Variants in KMT5C observed in about 807,000 individuals in gnomAD.
KMT5C encodes histone-lysine N-methyltransferase KMT5C.
Under a neutral mutation model 38.2 loss-of-function variants are expected in KMT5C, and 16 were observed. The observed-to-expected ratio is 0.42, with a 90% CI of 0.28 to 0.64. The LOEUF (loss-of-function observed/expected upper bound fraction) is 0.64, where lower values mean the gene tolerates loss of function less well. Ranked by LOEUF, KMT5C falls within the 30% of genes least tolerant of loss-of-function variation. KMT5C has a pLI of 0.23. For missense variants in KMT5C, 598 were observed against 665.1 expected (o/e 0.90, Z 1.11); for synonymous variants, 291 against 279.0 (o/e 1.04, Z -0.43).
chr19:55,342,089 CCCCTCCCCTTGCA>C (rs2089563878), intron 2 of KMT5C, 43 bp downstream of exon 2: 1 of 1,576,518 alleles, frequency 6.3e-7, no homozygotes. Flanking sequence ...GGGGTCAGGA[CCCCTCCCCTTGCA>C]CCGCTGCCGC....
chr19:55,343,695 G>A lies in KMT5C; in HGVS notation c.402G>A (p.Lys134=), dbSNP rs2089586142. The change falls in exon 5 of 9, where the codon AAG becomes AAA. Residue 134 remains lysine, a synonymous_variant. Coordinates refer to ENST00000255613, the MANE Select transcript of KMT5C (RefSeq NM_032701.4). The surrounding 1 kb of genome is among the most constrained non-coding windows in gnomAD (Gnocchi z 5.5). ...CTCTTGGCAGGAAAAAGAATGAGAAGCTGGAGCTGCTGGTGGGCTGCATTG... is the reference window on the plus strand; with the variant it reads ...CTCTTGGCAGGAAAAAGAATGAGAAACTGGAGCTGCTGGTGGGCTGCATTG... ...VSTRAWKKNE[K]LELLVGCIAE... 1.3e-6 allele frequency: 2 copies of A among 1,556,816 alleles called. No homozygotes were observed. The highest frequency in any genetic ancestry group is 1.4e-5 in the African/African-American group (1 of 73,348).
chr19:55,340,904 C>A (rs894376724), intron 1 of KMT5C, among the ~76,000 whole-genome samples: 2 of 151,962 alleles, frequency 1.3e-5, no homozygotes, highest in Admixed American at 1.3e-4. Context: ...TCTCCAGCTT[C>A]CCCGCTGTCC....
intron 2 of KMT5C, 76 bp from the exon 3 acceptor site, chr19:55,342,139 C>T (rs2123188845): frequency 1.3e-6 from 2 of 1,582,206 alleles, no homozygotes; most frequent in Non-Finnish European, 8.6e-7. Context: ...TAGCCTGGTC[C>T]TCCCCTCAGC....
At position 55,346,644 on chromosome 19, in the gene KMT5C, G is replaced by T. The variant is rs373151476; in HGVS notation, c.852G>T (p.Arg284=). 1.8e-5 allele frequency: 29 copies of T among 1,576,532 alleles called. No individual in the cohort carries two copies. In the African/African-American group the frequency reaches 3.2e-4, roughly 18 times the overall value. The change falls in exon 8 of 9, where the codon CGG becomes CGT. Residue 284 remains arginine (R), a synonymous_variant. Transcript: ENST00000255613. ...GCCGACAGGGCCTGCTGGGCCCTCG[G>T]GCCTGCGTGCACCCATCCCCGCTGC... ...SGSRQGLLGP[R]ACVHPSPLRR...
chr19:55,347,743 T>G lies in KMT5C; in HGVS notation c.*294T>G. ...GAGCCATCCGCCCCCCTCAGCCCCT[T>G]CCTCCCCAGGGAGCAAAGCCATAAG... On this transcript the variant is annotated 3_prime_UTR_variant, in exon 9 of 9. Coordinates refer to ENST00000255613, the MANE Select transcript of KMT5C (RefSeq NM_032701.4). The surrounding 1 kb of genome is among the most constrained non-coding windows in gnomAD (Gnocchi z 4.6). 2.3e-6 allele frequency: 1 copy of G among 429,076 alleles called. No individual in the cohort carries two copies. The allele number at this position is 429,076 out of a possible 1,614,324, so 26.6% of individuals were successfully genotyped here. A position where few individuals can be genotyped will look rare whatever the true frequency, so the allele number is the denominator to read the frequency against.
Position 55,347,455 on chromosome 19 carries a change from C to T in KMT5C, c.*6C>T, listed in dbSNP as rs768894024. The T allele has an allele frequency of 1.8e-5, 27 of 1,521,538 alleles. No individual in the cohort carries two copies. The highest frequency in any genetic ancestry group is 1.1e-4 in the East Asian group (5 of 43,950). 94.3% of individuals were successfully genotyped at this position (1,521,538 alleles called of 1,614,324 possible). A position where few individuals can be genotyped will look rare whatever the true frequency, so the allele number is the denominator to read the frequency against. ...TCGGCGGTGAAGAGCTGTGACAGGC[C>T]GGACGGGGAGGCCCAGCAGGGAGAG... On this transcript the variant is annotated 3_prime_UTR_variant, in exon 9 of 9. Coordinates refer to ENST00000255613, the MANE Select transcript of KMT5C (RefSeq NM_032701.4). The surrounding 1 kb of genome is among the most constrained non-coding windows in gnomAD (Gnocchi z 4.6).
Position 55,341,866 on chromosome 19 carries a change from G to A in KMT5C, c.-71G>A, listed in dbSNP as rs1043396136. The A allele has an allele frequency of 1.2e-5, 15 of 1,238,318 alleles. No individual in the cohort carries two copies. Among genetic ancestry groups the A allele is most frequent in the Non-Finnish European group, 1.8e-5 (15 of 844,520 alleles). 76.7% of individuals were successfully genotyped at this position (1,238,318 alleles called of 1,614,324 possible). On this transcript the variant is annotated 5_prime_UTR_variant, in exon 2 of 9. Transcript: ENST00000255613. ...TGGGAGTGGAGTCAGCACCAAGCCA[G>A]GCTCCCCGCGCCTGCCTTGCCCTCA...
rs2089629083 is a variant in KMT5C, at chr19:55,347,080, C to T, written c.1020C>T (p.Pro340=). 5.7e-6 allele frequency: 9 copies of T among 1,572,744 alleles called. No homozygotes were observed. Among genetic ancestry groups the T allele is most frequent in the Non-Finnish European group, 7.7e-6 (9 of 1,166,926 alleles). ...CCCGGAAGCGCCGACGCCCCCGGCCCCGGAGGGCCCCAGTGCTCTCCACCC... is the reference window on the plus strand; with the variant it reads ...CCCGGAAGCGCCGACGCCCCCGGCCTCGGAGGGCCCCAGTGCTCTCCACCC... ...VRPRKRRRPR[P]RRAPVLSTHH... is the part of the protein sequence containing the mutation. Residue 340 remains proline (P), a synonymous_variant, in exon 9 of 9, where the codon CCC becomes CCT. Coordinates refer to ENST00000255613, the MANE Select transcript of KMT5C (RefSeq NM_032701.4). The surrounding 1 kb of genome is among the most constrained non-coding windows in gnomAD (Gnocchi z 4.6).
Position 55,341,892 on chromosome 19 carries a change from C to T in KMT5C, c.-45C>T. Reference sequence around the variant, plus strand: ...GCTCCCCGCGCCTGCCTTGCCCTCACCTGCTCCTGCTCTCTGCCAGAGGCA... The same window carrying T: ...GCTCCCCGCGCCTGCCTTGCCCTCATCTGCTCCTGCTCTCTGCCAGAGGCA... On this transcript the variant is annotated 5_prime_UTR_variant, in exon 2 of 9. Coordinates refer to ENST00000255613, the MANE Select transcript of KMT5C (RefSeq NM_032701.4). 9 of 1,529,976 alleles carry T rather than the reference C, an allele frequency of 5.9e-6. No homozygotes were observed. Among genetic ancestry groups the T allele is most frequent in the Non-Finnish European group, 8.1e-6 (9 of 1,104,748 alleles). 94.8% of individuals were successfully genotyped at this position (1,529,976 alleles called of 1,614,324 possible).
Position 55,342,352 on chromosome 19 carries a change from C to CGCG in KMT5C, c.251_253dup (p.Arg84dup), listed in dbSNP as rs1569019564. On this transcript the variant is annotated inframe_insertion, in exon 3 of 9. Coordinates refer to ENST00000255613, the MANE Select transcript of KMT5C (RefSeq NM_032701.4). ...GCCCGCTACTTCCAGAGCCGGGGCC[C>CGCG]GCGGCAGGAGGCTGCCCTCAAGACC... The CGCG allele has an allele frequency of 6.5e-7, 1 of 1,544,014 alleles. No homozygotes were observed. The highest frequency in any genetic ancestry group is 1.2e-5 in the South Asian group (1 of 83,468).
intron 6 of KMT5C, chr19:55,344,326 C>T (rs976149007): frequency 4.6e-5 from 13 of 280,914 alleles, no homozygotes; most frequent in African/African-American, 1.6e-4. Context: ...CGCGCCACTG[C>T]ACTCCAGCCT....
At chr19:55,344,081 G>T (rs2089590175) in intron 6 of KMT5C, 84 bp downstream of exon 6, 6 of 1,491,100 alleles carry the variant, frequency 4.0e-6, no homozygotes, top group Non-Finnish European at 4.6e-6. Context: ...GGTCAGTAAA[G>T]AGCCAAACAC....
chr19:55,340,381 C>G (rs530062399), intron 1 of KMT5C, among the ~76,000 whole-genome samples: 2 of 151,910 alleles, frequency 1.3e-5, no homozygotes, highest in East Asian at 3.9e-4. Flanking sequence ...CAGGGCCAAT[C>G]CCCGACCTCC....
In KMT5C at chr19:55,346,805, G is replaced by A. The variant is rs550504858; in HGVS notation, c.895+118G>A. ...ACCCTCCCTCCCACCCTCAGTCGCT[G>A]GCAGGCCTCGCTGTTGAGCAGTTCG... On this transcript the variant is annotated intron_variant, in intron 8 of 8. Coordinates refer to ENST00000255613, the MANE Select transcript of KMT5C (RefSeq NM_032701.4). 5.1e-4 allele frequency: 460 copies of A among 895,638 alleles called. 6 individuals are homozygous for A. In the Admixed American group the frequency reaches 0.013, roughly 24 times the overall value. 55.5% of individuals were successfully genotyped at this position (895,638 alleles called of 1,614,324 possible). A position where few individuals can be genotyped will look rare whatever the true frequency, so the allele number is the denominator to read the frequency against.
At chr19:55,345,302 C>A (rs931895789) in intron 6 of KMT5C, 10 of 353,396 alleles carry the variant, frequency 2.8e-5, no homozygotes, top group Non-Finnish European at 5.6e-5. Context: ...TTTGATCCGG[C>A]AGCAAGGCCT....
chr19:55,342,711 G>T (rs372840250), intron 3 of KMT5C, 31 bp from the exon 4 acceptor site: 1 of 1,090,918 alleles, frequency 9.2e-7, no homozygotes, highest in Non-Finnish European at 1.4e-6. Context: ...CCCCTGCCCC[G>T]CCTCCTCACC....
chr19:55,344,145 T>C lies in KMT5C; in HGVS notation c.570+148T>C, dbSNP rs528423581. On this transcript the variant is annotated intron_variant, in intron 6 of 8. Transcript: ENST00000255613. The stretch of plus-strand genomic sequence containing the variant: ...ATCCCAGCACTTTGGGAGGCCGAGG[T>C]GGGCAGATCACGAGGTCAGGAGATG... 8.9e-6 allele frequency: 7 copies of C among 782,506 alleles called. No individual in the cohort carries two copies. In the African/African-American group the frequency reaches 1.0e-4, roughly 12 times the overall value. 48.5% of individuals were successfully genotyped at this position (782,506 alleles called of 1,614,324 possible).
Position 55,342,035 on chromosome 19 carries a change from GA to G in KMT5C, c.100del (p.Met34Ter), listed in dbSNP as rs2089562987. The G allele has an allele frequency of 6.2e-7, 1 of 1,613,400 alleles. No individual in the cohort carries two copies. Among genetic ancestry groups the G allele is most frequent in the Non-Finnish European group, 8.5e-7 (1 of 1,179,636 alleles). On this transcript the variant is annotated frameshift_variant, in exon 2 of 9. Transcript: ENST00000255613. LOFTEE classifies it high-confidence loss of function. ...DPYLGFRTHK[M>X]NVSPVPPLRR... is the part of the protein sequence containing the mutation. ...CCTACCTCGGTTTCCGCACCCATAA[GA>G]TGAACGTCAGGTGAGGTGGCCTGGG...
rs765761180 is a variant in KMT5C, at chr19:55,346,628, G to T, written c.836G>T (p.Gly279Val). The T allele has an allele frequency of 6.4e-7, 1 of 1,572,322 alleles. No homozygotes were observed. Residue 279 changes from glycine (G) to valine (V), a missense_variant, in exon 8 of 9, where the codon GGC (glycine) becomes GTC (valine). By Grantham distance (109) the Gly-to-Val change is moderately radical. Around this residue, in one of 3 missense-constraint regions of KMT5C, gnomAD observed 326 missense variants for 298.1 expected, o/e 1.09. Coordinates refer to ENST00000255613, the MANE Select transcript of KMT5C (RefSeq NM_032701.4). ...QQGLDSGSRQ[G>V]LLGPRACVHP... Reference sequence around the variant, plus strand: ...GGCCTGGACAGTGGCAGCCGACAGGGCCTGCTGGGCCCTCGGGCCTGCGTG... The same window carrying T: ...GGCCTGGACAGTGGCAGCCGACAGGTCCTGCTGGGCCCTCGGGCCTGCGTG...
Sources: gnomAD v4.1 joint callset for allele counts (sites outside exome capture counted in the v4.1 genomes callset) on GRCh38, gnomAD v4.1.1 for gene constraint, gnomAD v4.1.1 regional missense constraint, Gnocchi (gnomAD v3.1) non-coding constraint, MANE v1.5 for transcripts, NCBI Gene and HGNC (gene_info 2026-07-23, HGNC 2026-07-21) for gene names.